PDE4D: variants seen among roughly 807,000 people sequenced by gnomAD.
PDE4D encodes the protein phosphodiesterase 4D.
Under a neutral mutation model 87.4 loss-of-function variants are expected in PDE4D, and 24 were observed. That is an observed-to-expected ratio of 0.27 (90% CI 0.20 to 0.39). PDE4D has a LOEUF of 0.39. PDE4D is among the 10% of genes least tolerant of loss of function. PDE4D has a pLI of 1.00. For synonymous variants in PDE4D, 384 were observed against 383.2 expected, an observed-to-expected ratio of 1.00 and a Z score of -0.02; for missense variants, 714 against 1,041.0, an observed-to-expected ratio of 0.69 and a Z score of 4.32.
chr5:59,810,524 T>A (rs550625399), intron 1 of PDE4D, among the ~76,000 whole-genome samples: 33 of 152,348 alleles, frequency 2.2e-4, no homozygotes, highest in Non-Finnish European at 3.5e-4. Flanking sequence ...ATAGAAAACC[T>A]CTGGGCCATC....
intron 1 of PDE4D, among the ~76,000 whole-genome samples, chr5:60,213,453 C>A (rs1301384920): frequency 6.6e-6 from 1 of 152,158 alleles, no homozygotes; most frequent in Non-Finnish European, 1.5e-5. Context: ...GGTTCACGGG[C>A]AGCCTTCTGG....
intron 5 of PDE4D, among the ~76,000 whole-genome samples, chr5:59,052,188 G>A (rs1761656222): frequency 6.6e-6 from 1 of 152,160 alleles, no homozygotes; most frequent in African/African-American, 2.4e-5. Context: ...AGTTCGAGCA[G>A]GGAGAGGGAG....
intron 1 of PDE4D, among the ~76,000 whole-genome samples, chr5:60,269,123 G>T (rs554617407): frequency 6.6e-5 from 10 of 152,098 alleles, no homozygotes; most frequent in African/African-American, 2.4e-4. Context: ...GGCCAACATG[G>T]TGAAACCCAT....
intron 1 of PDE4D, among the ~76,000 whole-genome samples, chr5:60,356,695 C>A (rs1464872413): frequency 6.6e-6 from 1 of 152,158 alleles, no homozygotes; most frequent in Admixed American, 6.6e-5. Context: ...AAAAATAGTA[C>A]TGAATATTCA....
At chr5:59,753,936 C>A (rs1347917845) in intron 1 of PDE4D, among the ~76,000 whole-genome samples, 1 of 152,188 alleles carries the variant, frequency 6.6e-6, no homozygotes, top group Non-Finnish European at 1.5e-5. Flanking sequence ...GCTGGTCCAA[C>A]TCTGACTTTT....
chr5:60,152,872 C>A (rs1022154819), intron 2 of PDE4D, among the ~76,000 whole-genome samples: 2 of 152,094 alleles, frequency 1.3e-5, no homozygotes, highest in African/African-American at 4.8e-5. Flanking sequence ...TTATAGTAGT[C>A]CCTTATGATC....
intron 3 of PDE4D, among the ~76,000 whole-genome samples, chr5:59,935,434 T>TA (rs1756461784): frequency 6.6e-6 from 1 of 152,022 alleles, no homozygotes; most frequent in Non-Finnish European, 1.5e-5. Flanking sequence ...CCTCATTTGA[T>TA]AAAAAAGGGG....
In PDE4D at chr5:58,973,854, T is replaced by C. The variant is rs968656639; in HGVS notation, c.*810A>G. 2 of 152,594 alleles carry C rather than the reference T, an allele frequency of 1.3e-5. No homozygotes were observed. Among genetic ancestry groups the C allele is most frequent in the African/African-American group, 4.8e-5 (2 of 41,452 alleles). 9.5% of individuals were successfully genotyped at this position (152,594 alleles called of 1,614,324 possible). On this transcript the variant is annotated 3_prime_UTR_variant, in exon 15 of 15. Transcript: ENST00000340635. ...TTTCTCTTTTAAAATATGGAAGTCA[T>C]TGGTATATAAAACAAACAATGAATC...
At chr5:60,405,335 C>A (rs1741440637) in intron 1 of PDE4D, among the ~76,000 whole-genome samples, 1 of 152,222 alleles carries the variant, frequency 6.6e-6, no homozygotes, top group African/African-American at 2.4e-5. Flanking sequence ...TTTCACCTCA[C>A]TCTCATAACT....
intron 5 of PDE4D, among the ~76,000 whole-genome samples, chr5:59,053,286 T>C (rs1026025867): frequency 6.6e-6 from 1 of 151,714 alleles, no homozygotes; most frequent in Non-Finnish European, 1.5e-5. Context: ...TGCACTTAAA[T>C]GACAGCTCCT....
At chr5:60,246,842 G>C (rs900404443) in intron 1 of PDE4D, among the ~76,000 whole-genome samples, 3 of 151,832 alleles carry the variant, frequency 2.0e-5, no homozygotes, top group African/African-American at 7.2e-5. Context: ...TTATGTTTAG[G>C]AATCTTGTGA....
chr5:59,215,714 T>A lies in PDE4D; in HGVS notation c.647+63A>T, dbSNP rs138194690. ...TGAACAAAAGTCATTAGTTTTATTA[T>A]GTCATCAGCTCTAGATATAAATTTA... On this transcript the variant is annotated intron_variant, in intron 2 of 14. Transcript: ENST00000340635. 329 of 1,358,832 alleles carry A rather than the reference T, an allele frequency of 2.4e-4. 1 individual carries two copies. In the African/African-American group the frequency reaches 4.3e-3, roughly 18 times the overall value. 84.2% of individuals were successfully genotyped at this position (1,358,832 alleles called of 1,614,324 possible).
At position 59,765,766 on chromosome 5, in the gene PDE4D, G is replaced by A. The variant is rs533583162; in HGVS notation, c.455+127402C>T. Among the ~76,000 whole-genome samples, 16 of 152,274 alleles carry A rather than the reference G, an allele frequency of 1.1e-4. No individual in the cohort carries two copies. In the South Asian group the frequency reaches 3.3e-3, roughly 32 times the overall value. ...GGCTGCCTCCCCACAAAAAGCAGAA[G>A]CAAGAAATAAAAATTCACTGTGTCA... On this transcript the variant is annotated intron_variant, in intron 1 of 14. Coordinates refer to ENST00000340635, the MANE Select transcript of PDE4D (RefSeq NM_001104631.2).
chr5:59,448,085 T>G (rs1332992240), intron 1 of PDE4D, among the ~76,000 whole-genome samples: 1 of 152,230 alleles, frequency 6.6e-6, no homozygotes, highest in Non-Finnish European at 1.5e-5. Context: ...AAGCTCATCG[T>G]AGTCAGGGGC....
chr5:60,039,352 G>A (rs9292219), intron 2 of PDE4D, among the ~76,000 whole-genome samples: 149,117 of 149,338 alleles, frequency 1, 74,449 homozygotes, highest in Middle Eastern at 1. Context: ...ACCAAACACC[G>A]CATATTCTCA....
At chr5:60,225,139 G>A (rs1191552192) in intron 1 of PDE4D, among the ~76,000 whole-genome samples, 2 of 151,832 alleles carry the variant, frequency 1.3e-5, no homozygotes, top group East Asian at 1.9e-4. Context: ...GCAGTGGGGT[G>A]CAGGGCAGAG....
chr5:60,394,243 T>C (rs1762737260), intron 1 of PDE4D, among the ~76,000 whole-genome samples: 1 of 152,216 alleles, frequency 6.6e-6, no homozygotes. Flanking sequence ...GCACAAATGC[T>C]AATTTTTCCT....
chr5:59,345,701 T>C (rs188998728), intron 1 of PDE4D, among the ~76,000 whole-genome samples: 2 of 152,238 alleles, frequency 1.3e-5, no homozygotes, highest in Admixed American at 1.3e-4. Flanking sequence ...TCACTGAAAA[T>C]GGATGACCTA....
In PDE4D at chr5:60,429,187, G is replaced by A. The variant is rs114335356; in HGVS notation, c.-90+58755C>T. Among the ~76,000 whole-genome samples, 1,032 of 152,318 alleles carry A rather than the reference G, an allele frequency of 6.8e-3. 4 individuals carry two copies. The highest frequency in any genetic ancestry group is 0.026 in the South Asian group (124 of 4,830). On this transcript the variant is annotated intron_variant, in intron 1 of 16. Transcript: ENST00000502484. ...ATGTCATCTCTGATTTCTTTCAGCA[G>A]TGTTTTGTAATTCTCATTGGAGAGC... is the stretch of plus-strand genomic sequence containing the variant.
Sources: gnomAD v4.1 joint callset for allele counts (sites outside exome capture counted in the v4.1 genomes callset) on GRCh38, gnomAD v4.1.1 for gene constraint, MANE v1.5 for transcripts, NCBI Gene and HGNC (gene_info 2026-07-23, HGNC 2026-07-21) for gene names.